CNTN5: variants seen among roughly 807,000 people sequenced by gnomAD.
CNTN5 encodes contactin-5.
In CNTN5, 77 loss-of-function variants were observed where a neutral mutation model predicts 129.1. The ratio of observed to expected loss-of-function variants is 0.60; its 90% confidence interval spans 0.50 to 0.72. CNTN5 has a LOEUF of 0.72. Ranked by LOEUF, CNTN5 falls within the 30% of genes least tolerant of loss-of-function variation. The probability of loss-of-function intolerance (pLI) is 0.00; values close to 1 mark genes in which losing one functional copy is unlikely to be tolerated. For synonymous variants in CNTN5, 509 were observed against 465.6 expected (o/e 1.09, Z -1.20); for missense variants, 1,478 against 1,328.8 (o/e 1.11, Z -1.75).
At chr11:99,862,556 C>T (rs939766418) in intron 6 of CNTN5, among the ~76,000 whole-genome samples, 3 of 152,008 alleles carry the variant, frequency 2.0e-5, no homozygotes, top group African/African-American at 4.8e-5. Flanking sequence ...AACTCCTATA[C>T]TAAAATCTGA....
At chr11:99,151,672 G>T (rs1345936485) in intron 1 of CNTN5, among the ~76,000 whole-genome samples, 1 of 152,120 alleles carries the variant, frequency 6.6e-6, no homozygotes, top group Non-Finnish European at 1.5e-5. Context: ...ATCAATGTTA[G>T]ACTGGATAAA....
intron 2 of CNTN5, among the ~76,000 whole-genome samples, chr11:99,483,528 T>C (rs551265984): frequency 7.2e-5 from 11 of 152,234 alleles, no homozygotes; most frequent in Non-Finnish European, 1.3e-4. Flanking sequence ...GGAGATTTTA[T>C]TGGGAAGCTG....
chr11:99,316,967 C>T lies in CNTN5; in HGVS notation c.-209-8379C>T, dbSNP rs554100150. ...ACCTCGACACCAGAAGTGCTAACAGCTGCGATGCCAGTGGTAGAAAAGCAA... is the reference window on the plus strand; with the variant it reads ...ACCTCGACACCAGAAGTGCTAACAGTTGCGATGCCAGTGGTAGAAAAGCAA... On this transcript the variant is annotated intron_variant, in intron 1 of 24. Transcript: ENST00000524871. Among the ~76,000 whole-genome samples, 3 of 152,266 alleles carry T rather than the reference C, an allele frequency of 2.0e-5. No individual in the cohort carries two copies. In the East Asian group the frequency reaches 5.8e-4, roughly 29 times the overall value.
intron 1 of CNTN5, among the ~76,000 whole-genome samples, chr11:99,065,842 G>A (rs984790623): frequency 1.3e-5 from 2 of 151,906 alleles, no homozygotes; most frequent in African/African-American, 2.4e-5. Flanking sequence ...GTGAATGTTG[G>A]ACACATTTTA....
At chr11:100,073,445 A>G (rs2137884191) in intron 12 of CNTN5, among the ~76,000 whole-genome samples, 1 of 151,656 alleles carries the variant, frequency 6.6e-6, no homozygotes, top group East Asian at 1.9e-4. Context: ...GATATATTTT[A>G]TATATATAAT....
At chr11:99,192,705 T>C (rs1858704948) in intron 1 of CNTN5, among the ~76,000 whole-genome samples, 2 of 152,050 alleles carry the variant, frequency 1.3e-5, no homozygotes, top group Non-Finnish European at 2.9e-5. Flanking sequence ...AGCTAAAACA[T>C]GCTTATTTAA....
chr11:99,892,098 A>T (rs949895874), intron 6 of CNTN5, among the ~76,000 whole-genome samples: 1 of 152,050 alleles, frequency 6.6e-6, no homozygotes, highest in South Asian at 2.1e-4. Context: ...TTTTCTTCGT[A>T]TGTTTGTTGG....
intron 4 of CNTN5, among the ~76,000 whole-genome samples, chr11:99,820,928 A>G (rs560287243): frequency 2.3e-4 from 35 of 152,344 alleles, no homozygotes; most frequent in Admixed American, 6.5e-4. Context: ...GGTGCAGGCA[A>G]ACTTATCCTT....
chr11:99,692,783 T>C (rs1954094181), intron 3 of CNTN5, among the ~76,000 whole-genome samples: 1 of 152,160 alleles, frequency 6.6e-6, no homozygotes. Flanking sequence ...TAAAGGAGAA[T>C]CCTTTAATCT....
intron 2 of CNTN5, among the ~76,000 whole-genome samples, chr11:99,473,142 G>A (rs1945239481): frequency 6.6e-6 from 1 of 152,040 alleles, no homozygotes; most frequent in South Asian, 2.1e-4. Context: ...ATACTAGAAT[G>A]AATTATTTTT....
intron 1 of CNTN5, among the ~76,000 whole-genome samples, chr11:99,261,434 A>G (rs1862622601): frequency 6.6e-6 from 1 of 152,084 alleles, no homozygotes; most frequent in African/African-American, 2.4e-5. Flanking sequence ...TCCTATATAC[A>G]TAAGAGCAGG....
intron 3 of CNTN5, among the ~76,000 whole-genome samples, chr11:99,786,014 G>A (rs1296977966): frequency 2.0e-5 from 3 of 151,808 alleles, no homozygotes; most frequent in Non-Finnish European, 2.9e-5. Flanking sequence ...GGGCAATCAG[G>A]CAAGAGAAAG....
At chr11:99,297,081 C>T (rs902158454) in intron 1 of CNTN5, among the ~76,000 whole-genome samples, 2 of 152,136 alleles carry the variant, frequency 1.3e-5, no homozygotes, top group Non-Finnish European at 2.9e-5. Flanking sequence ...TTTGAACTTG[C>T]AAACGCTTTT....
chr11:100,170,844 GTTAACT>G (rs1312195425), intron 13 of CNTN5, among the ~76,000 whole-genome samples: 1 of 151,470 alleles, frequency 6.6e-6, no homozygotes, highest in Non-Finnish European at 1.5e-5. Flanking sequence ...GATGCTTACT[GTTAACT>G]TTAAGATAGA....
At chr11:99,122,949 T>C (rs150169270) in intron 1 of CNTN5, among the ~76,000 whole-genome samples, 16 of 152,292 alleles carry the variant, frequency 1.1e-4, no homozygotes, top group African/African-American at 3.6e-4. Flanking sequence ...CTACCGTTCA[T>C]GGGCATTCAG....
At chr11:100,250,351 C>T (rs941752634) in intron 16 of CNTN5, among the ~76,000 whole-genome samples, 56 of 152,038 alleles carry the variant, frequency 3.7e-4, no homozygotes, top group Non-Finnish European at 7.7e-4. Flanking sequence ...AAATATAACT[C>T]CTCTATCCTT....
intron 8 of CNTN5, among the ~76,000 whole-genome samples, chr11:99,960,838 G>A (rs1374712852): frequency 1.3e-5 from 2 of 151,964 alleles, no homozygotes; most frequent in African/African-American, 4.8e-5. Flanking sequence ...CATTACATTA[G>A]GAGGGTAAAT....
Position 99,250,842 on chromosome 11 carries a change from A to C in CNTN5, c.-209-74504A>C, listed in dbSNP as rs114964879. Among the ~76,000 whole-genome samples, 498 of 152,030 alleles carry C rather than the reference A, an allele frequency of 3.3e-3. 2 individuals carry two copies. Among genetic ancestry groups the C allele is most frequent in the African/African-American group, 0.012 (478 of 41,540 alleles). ...TCCAAGTTTTGTATTCTGTAGAACAATTAATTTCCCTTACATCTCTTAAAT... is the reference window on the plus strand; with the variant it reads ...TCCAAGTTTTGTATTCTGTAGAACACTTAATTTCCCTTACATCTCTTAAAT... On this transcript the variant is annotated intron_variant, in intron 1 of 24. Coordinates refer to ENST00000524871, the MANE Select transcript of CNTN5 (RefSeq NM_014361.4).
intron 18 of CNTN5, among the ~76,000 whole-genome samples, chr11:100,291,999 G>A (rs1950993109): frequency 6.6e-6 from 1 of 151,640 alleles, no homozygotes; most frequent in Non-Finnish European, 1.5e-5. Context: ...TTACGTACTA[G>A]AGCAGTCGCA....
Sources: gnomAD v4.1 joint callset for allele counts (sites outside exome capture counted in the v4.1 genomes callset) on GRCh38, gnomAD v4.1.1 for gene constraint, MANE v1.5 for transcripts, NCBI Gene and HGNC (gene_info 2026-07-23, HGNC 2026-07-21) for gene names.